The following HDHD2 variants were observed in gnomAD, a reference collection of about 807,000 sequenced individuals.
HDHD2 encodes the protein haloacid dehalogenase like hydrolase domain containing 2.
A neutral mutation model predicts 24.8 loss-of-function variants in HDHD2; 26 were observed. The ratio of observed to expected loss-of-function variants is 1.05; its 90% CI spans 0.77 to 1.45. The LOEUF (loss-of-function observed/expected upper bound fraction) is 1.45, where lower values mean the gene tolerates loss of function less well. Among genes scored for constraint, HDHD2 ranks in the 40% most tolerant of loss-of-function variants. HDHD2 has a pLI of 0.00. For missense variants in HDHD2, 299 were observed against 313.4 expected (o/e 0.95, Z 0.35); for synonymous variants, 128 against 114.9 (o/e 1.11, Z -0.73).
intron 1 of HDHD2, among the ~76,000 whole-genome samples, chr18:47,147,932 A>G (rs1276676211): frequency 6.6e-6 from 1 of 152,034 alleles, no homozygotes; most frequent in Admixed American, 6.5e-5. Flanking sequence ...TAGTCCCACT[A>G]ACTTGATCAC....
In HDHD2 at chr18:47,134,652, T is replaced by C. The variant is rs1158409152; in HGVS notation, c.154A>G (p.Ser52Gly). ...AACCTTTCTAACAGGTCTTGCTTGC[T>C]CTCTTTGGTTGTATTGGTCACAAAC... ...IRFVTNTTKE[S>G]KQDLLERLRK... Residue 52 changes from serine to glycine, a missense_variant, in exon 3 of 7, where the codon AGC (serine) becomes GGC (glycine). Physicochemically the swap from Ser to Gly is moderately conservative, Grantham distance 56. Coordinates refer to ENST00000300605, the MANE Select transcript of HDHD2 (RefSeq NM_032124.5). 1.9e-6 allele frequency: 3 copies of C among 1,614,058 alleles called. No individual in the cohort carries two copies. Among genetic ancestry groups the C allele is most frequent in the African/African-American group, 2.7e-5 (2 of 74,924 alleles).
At chr18:47,122,248 A>G (rs1443186165) in intron 4 of HDHD2, among the ~76,000 whole-genome samples, 1 of 152,250 alleles carries the variant, frequency 6.6e-6, no homozygotes, top group Non-Finnish European at 1.5e-5. Context: ...AAGTATAGTA[A>G]CTATACTAAA....
chr18:47,147,602 C>T (rs1258787216), intron 1 of HDHD2, among the ~76,000 whole-genome samples: 2 of 152,134 alleles, frequency 1.3e-5, no homozygotes, highest in Admixed American at 6.5e-5. Flanking sequence ...AGAAACGTTA[C>T]CTCTGAAGGT....
intron 1 of HDHD2, among the ~76,000 whole-genome samples, chr18:47,145,571 T>A: frequency 6.6e-6 from 1 of 152,138 alleles, no homozygotes; most frequent in South Asian, 2.1e-4. Flanking sequence ...AATATCCACA[T>A]GAGAAAAAAT....
intron 2 of HDHD2, among the ~76,000 whole-genome samples, chr18:47,135,308 C>CTGGA (rs1188365587): frequency 7.0e-6 from 1 of 143,430 alleles, no homozygotes; most frequent in African/African-American, 2.6e-5. Flanking sequence ...GTTGCCCAGG[C>CTGGA]TGGAGTGCAA....
At chr18:47,134,229 T>G (rs2063741391) in intron 3 of HDHD2, among the ~76,000 whole-genome samples, 1 of 152,214 alleles carries the variant, frequency 6.6e-6, no homozygotes, top group African/African-American at 2.4e-5. Flanking sequence ...GAATGCATGT[T>G]ATACAGCAAG....
At chr18:47,115,406 G>T (rs1440414197) in intron 4 of HDHD2, 58 bp from the exon 5 acceptor site, 1 of 1,244,346 alleles carries the variant, frequency 8.0e-7, no homozygotes, top group East Asian at 2.3e-5. Context: ...TTTATGACTG[G>T]GAACGAATGT....
At chr18:47,144,413 A>G (rs758681257) in intron 1 of HDHD2, among the ~76,000 whole-genome samples, 2 of 152,180 alleles carry the variant, frequency 1.3e-5, no homozygotes, top group Non-Finnish European at 2.9e-5. Flanking sequence ...CTGCTTTGAA[A>G]CATGGCCCAA....
At chr18:47,112,828 C>T in intron 6 of HDHD2, 149 bp downstream of exon 6, 1 of 651,708 alleles carries the variant, frequency 1.5e-6, no homozygotes, top group Non-Finnish European at 2.7e-6. Flanking sequence ...CAATTGTTTC[C>T]TATAATCCTA....
intron 5 of HDHD2, among the ~76,000 whole-genome samples, chr18:47,113,307 A>G (rs1459077203): frequency 6.6e-6 from 1 of 152,244 alleles, no homozygotes. Context: ...TTACAATTAC[A>G]ATTCTCTATG....
chr18:47,125,263 T>C (rs753051271), intron 4 of HDHD2, among the ~76,000 whole-genome samples: 5 of 152,162 alleles, frequency 3.3e-5, no homozygotes, highest in South Asian at 2.1e-4. Flanking sequence ...ATATAGAGCA[T>C]TGGAACTCTC....
chr18:47,135,161 T>A (rs2063752327), intron 2 of HDHD2, among the ~76,000 whole-genome samples: 1 of 152,150 alleles, frequency 6.6e-6, no homozygotes, highest in African/African-American at 2.4e-5. Flanking sequence ...ATTTCTTGAT[T>A]CCCCAAATGA....
intron 4 of HDHD2, among the ~76,000 whole-genome samples, chr18:47,125,739 G>A (rs2063652774): frequency 6.6e-6 from 1 of 152,142 alleles, no homozygotes; most frequent in Non-Finnish European, 1.5e-5. Flanking sequence ...GAGTGGTAGT[G>A]ACTGGGAAAG....
chr18:47,115,077 G>T, intron 5 of HDHD2, 55 bp downstream of exon 5: 1 of 1,296,350 alleles, frequency 7.7e-7, no homozygotes, highest in Non-Finnish European at 1.1e-6. Flanking sequence ...TTTCTAAGCT[G>T]GCTTTCCCAG....
At chr18:47,134,444 T>C (rs1039037904) in intron 3 of HDHD2, 52 bp downstream of exon 3, 3 of 1,263,514 alleles carry the variant, frequency 2.4e-6, no homozygotes, top group African/African-American at 1.5e-5. Flanking sequence ...TTAAAAATGA[T>C]TTGTAAGTAC....
intron 6 of HDHD2, chr18:47,109,022 G>C (rs2063494785): frequency 2.1e-6 from 1 of 481,212 alleles, no homozygotes; most frequent in Non-Finnish European, 3.6e-6. Flanking sequence ...ACAGCCACAG[G>C]TACTGGATCG....
At chr18:47,135,203 G>A (rs938991870) in intron 2 of HDHD2, among the ~76,000 whole-genome samples, 1 of 150,948 alleles carries the variant, frequency 6.6e-6, no homozygotes, top group Admixed American at 6.6e-5. Context: ...AGTGAGGTTT[G>A]TGTCAATCTT....
At chr18:47,129,605 C>A (rs1293486149) in intron 4 of HDHD2, among the ~76,000 whole-genome samples, 1 of 152,122 alleles carries the variant, frequency 6.6e-6, no homozygotes, top group Non-Finnish European at 1.5e-5. Flanking sequence ...CGTATCATTA[C>A]CACTCATCAA....
intron 1 of HDHD2, chr18:47,148,993 T>G (rs542808586): frequency 6.6e-6 from 1 of 152,282 alleles, no homozygotes; most frequent in South Asian, 2.1e-4. Context: ...TCATTGCTAA[T>G]GTAGAAATAA....
Sources: gnomAD v4.1 joint callset for allele counts (sites outside exome capture counted in the v4.1 genomes callset) on GRCh38, gnomAD v4.1.1 for gene constraint, MANE v1.5 for transcripts, NCBI Gene and HGNC (gene_info 2026-07-23, HGNC 2026-07-21) for gene names.